CYTH1: variants seen among roughly 807,000 people sequenced by gnomAD.
CYTH1 encodes the protein cytohesin-1.
A neutral mutation model predicts 61.8 loss-of-function variants in CYTH1; 18 were observed. That is an observed-to-expected ratio of 0.29 (90% CI 0.20 to 0.43). The LOEUF is 0.43. Among genes scored for constraint, CYTH1 ranks in the 20% least tolerant of loss-of-function variants. The pLI, the probability that CYTH1 is intolerant of heterozygous loss-of-function variation, is 1.00. For synonymous variants in CYTH1, 174 were observed against 184.3 expected, an observed-to-expected ratio of 0.94 and a Z score of 0.45; for missense variants, 336 against 510.5, an observed-to-expected ratio of 0.66 and a Z score of 3.29.
Position 78,675,796 on chromosome 17 carries a change from A to G in CYTH1, c.*295T>C. The G allele has an allele frequency of 7.7e-7, 1 of 1,301,668 alleles. No homozygotes were observed. Among genetic ancestry groups the G allele is most frequent in the Non-Finnish European group, 1.0e-6 (1 of 974,388 alleles). 80.6% of individuals were successfully genotyped at this position (1,301,668 alleles called of 1,614,324 possible). A position where few individuals can be genotyped will look rare whatever the true frequency, so the allele number is the denominator to read the frequency against. On this transcript the variant is annotated 3_prime_UTR_variant, in exon 14 of 14. Coordinates refer to ENST00000446868, the MANE Select transcript of CYTH1 (RefSeq NM_004762.6). ...ACAGTTGGCTCTGAGCTCTGCTACC[A>G]GAACACTGAGCAGAGAAACTGGCCA...
At chr17:78,683,381 G>A (rs1752224979) in intron 11 of CYTH1, among the ~76,000 whole-genome samples, 1 of 152,162 alleles carries the variant, frequency 6.6e-6, no homozygotes, top group Non-Finnish European at 1.5e-5. Flanking sequence ...TTGAAGAGTG[G>A]AAGACTAAGA....
At chr17:78,678,951 C>T (rs554552636) in intron 13 of CYTH1, among the ~76,000 whole-genome samples, 14 of 152,366 alleles carry the variant, frequency 9.2e-5, no homozygotes, top group African/African-American at 2.9e-4. Flanking sequence ...CAGCTGGTTC[C>T]TGTCTGTTTT....
intron 1 of CYTH1, among the ~76,000 whole-genome samples, chr17:78,764,960 G>A (rs1474711095): frequency 6.6e-6 from 1 of 152,022 alleles, no homozygotes; most frequent in African/African-American, 2.4e-5. Context: ...GGGTAAGGGT[G>A]GCAAGCAGAG....
At chr17:78,745,926 C>A (rs145050227) in intron 1 of CYTH1, among the ~76,000 whole-genome samples, 28 of 152,112 alleles carry the variant, frequency 1.8e-4, no homozygotes, top group Middle Eastern at 6.8e-3. Context: ...ACCTTTTGAA[C>A]ATATATAGGG....
intron 1 of CYTH1, among the ~76,000 whole-genome samples, chr17:78,755,590 T>C (rs1024498899): frequency 1.3e-5 from 2 of 151,824 alleles, no homozygotes; most frequent in Admixed American, 6.6e-5. Context: ...AACTCATCTG[T>C]AGTCACAAAA....
chr17:78,751,107 C>A (rs1418911576), intron 1 of CYTH1, among the ~76,000 whole-genome samples: 2 of 152,054 alleles, frequency 1.3e-5, no homozygotes, highest in African/African-American at 4.8e-5. Flanking sequence ...CCTTAGCCAC[C>A]TGAATAGCTG....
chr17:78,708,384 C>G (rs1454496526), intron 2 of CYTH1, 123 bp from the exon 3 acceptor site: 3 of 857,758 alleles, frequency 3.5e-6, no homozygotes, highest in Non-Finnish European at 1.8e-6. Context: ...CAAAATATGA[C>G]AAAAATGCAA....
intron 1 of CYTH1, among the ~76,000 whole-genome samples, chr17:78,754,399 A>G (rs1056567782): frequency 6.6e-6 from 1 of 151,774 alleles, no homozygotes; most frequent in Non-Finnish European, 1.5e-5. Flanking sequence ...GCTGGAGTGC[A>G]GTGGTGCAAT....
intron 1 of CYTH1, among the ~76,000 whole-genome samples, chr17:78,766,691 T>A (rs534906533): frequency 6.6e-6 from 1 of 152,116 alleles, no homozygotes; most frequent in East Asian, 1.9e-4. Flanking sequence ...AAACTCTGTA[T>A]CCACTCCCAG....
chr17:78,722,288 T>C (rs558824180), intron 1 of CYTH1, among the ~76,000 whole-genome samples: 140 of 152,356 alleles, frequency 9.2e-4, no homozygotes, highest in Non-Finnish European at 1.5e-3. Flanking sequence ...ATAGCTGACA[T>C]AGCTGGGGTT....
At chr17:78,719,552 A>G (rs2093210814) in intron 1 of CYTH1, among the ~76,000 whole-genome samples, 1 of 152,226 alleles carries the variant, frequency 6.6e-6, no homozygotes, top group East Asian at 1.9e-4. Context: ...AACTTTCACA[A>G]AACTCCATGC....
intron 1 of CYTH1, among the ~76,000 whole-genome samples, chr17:78,771,717 G>C (rs1269556019): frequency 6.8e-6 from 1 of 147,080 alleles, no homozygotes; most frequent in Non-Finnish European, 1.5e-5. Context: ...GTGACAGAGC[G>C]AGATTCCATC....
At chr17:78,716,282 G>C (rs2037002883) in intron 1 of CYTH1, among the ~76,000 whole-genome samples, 2 of 152,122 alleles carry the variant, frequency 1.3e-5, no homozygotes, top group South Asian at 4.1e-4. Flanking sequence ...GGAATAGAGA[G>C]ACAGGACATA....
chr17:78,777,226 T>C (rs2093495923), intron 1 of CYTH1, among the ~76,000 whole-genome samples: 1 of 151,698 alleles, frequency 6.6e-6, no homozygotes, highest in African/African-American at 2.4e-5. Flanking sequence ...GAGACCATCC[T>C]GGCTAACATG....
At chr17:78,679,013 T>C (rs2092730306) in intron 13 of CYTH1, among the ~76,000 whole-genome samples, 1 of 152,204 alleles carries the variant, frequency 6.6e-6, no homozygotes, top group Admixed American at 6.5e-5. Flanking sequence ...TCTATTCCTT[T>C]CCCTCCATCA....
At chr17:78,751,631 T>C (rs1478110939) in intron 1 of CYTH1, among the ~76,000 whole-genome samples, 1 of 152,170 alleles carries the variant, frequency 6.6e-6, no homozygotes, top group Non-Finnish European at 1.5e-5. Flanking sequence ...TGTCCAGAAA[T>C]GACCACGAAA....
intron 2 of CYTH1, 43 bp downstream of exon 2, chr17:78,709,607 C>T: frequency 1.9e-6 from 3 of 1,602,112 alleles, no homozygotes; most frequent in Non-Finnish European, 1.7e-6. Flanking sequence ...GGAACTGTCA[C>T]TGTGGTTCTT....
In CYTH1 at chr17:78,730,769, G is replaced by A. The variant is rs1345319374; in HGVS notation, c.23-21037C>T. ...AAGCTCCGCCTCCTGGGTTCACGCC[G>A]TTCTCCTGCCTCAGCCACCCGAGTG... On this transcript the variant is annotated intron_variant, in intron 1 of 13. Coordinates refer to ENST00000446868, the MANE Select transcript of CYTH1 (RefSeq NM_004762.6). 2.6e-5 allele frequency among the ~76,000 whole-genome samples: 4 copies of A among 151,544 alleles called. No individual in the cohort carries two copies. In the South Asian group the frequency reaches 8.4e-4, roughly 32 times the overall value.
chr17:78,727,064 A>G (rs1343786075), intron 1 of CYTH1, among the ~76,000 whole-genome samples: 2 of 152,218 alleles, frequency 1.3e-5, no homozygotes, highest in African/African-American at 4.8e-5. Context: ...TGCATCAATC[A>G]TTTTATTTCT....
Sources: gnomAD v4.1 joint callset for allele counts (sites outside exome capture counted in the v4.1 genomes callset) on GRCh38, gnomAD v4.1.1 for gene constraint, MANE v1.5 for transcripts, NCBI Gene and HGNC (gene_info 2026-07-23, HGNC 2026-07-21) for gene names.